The following ACSS1 variants were observed in gnomAD, a reference collection of about 807,000 sequenced individuals.
ACSS1 encodes acyl-CoA synthetase short chain family member 1.
Under a neutral mutation model 75.3 loss-of-function variants are expected in ACSS1, and 42 were observed. That is an observed-to-expected ratio of 0.56 (90% CI 0.44 to 0.72). ACSS1 has a LOEUF of 0.72. Among genes scored for constraint, ACSS1 ranks in the 30% least tolerant of loss-of-function variants. ACSS1 has a pLI of 0.00. For synonymous variants in ACSS1, 380 were observed against 376.8 expected (o/e 1.01, Z -0.10); for missense variants, 782 against 935.7 (o/e 0.84, Z 2.14).
At chr20:25,014,216 G>C in intron 8 of ACSS1, 143 bp from the exon 9 acceptor site, 1 of 688,448 alleles carries the variant, frequency 1.5e-6, no homozygotes, top group Non-Finnish European at 2.5e-6. Context: ...CAAACCAGAT[G>C]TGGGTCTGGT....
intron 5 of ACSS1, among the ~76,000 whole-genome samples, chr20:25,022,692 T>A (rs1286499081): frequency 6.6e-6 from 1 of 152,274 alleles, no homozygotes; most frequent in Non-Finnish European, 1.5e-5. Context: ...TGGCCCTTAG[T>A]GTCCTGCTGC....
chr20:25,035,334 T>C (rs745582809), intron 2 of ACSS1, among the ~76,000 whole-genome samples: 1 of 152,170 alleles, frequency 6.6e-6, no homozygotes, highest in Non-Finnish European at 1.5e-5. Context: ...TGGAAATGTT[T>C]TGTGTTTTTT....
At chr20:25,019,862 G>A in intron 7 of ACSS1, 148 bp downstream of exon 7, 1 of 1,187,660 alleles carries the variant, frequency 8.4e-7, no homozygotes, top group Non-Finnish European at 1.2e-6. Context: ...AGAGGTGCTG[G>A]TGCTTTCTAC....
intron 1 of ACSS1, among the ~76,000 whole-genome samples, chr20:25,055,845 C>G (rs1302662783): frequency 6.6e-6 from 1 of 152,196 alleles, no homozygotes; most frequent in Admixed American, 6.5e-5. Flanking sequence ...CCACGACTTT[C>G]TAGATGCTCC....
chr20:25,053,980 G>A (rs1397814460), intron 1 of ACSS1, among the ~76,000 whole-genome samples: 1 of 152,224 alleles, frequency 6.6e-6, no homozygotes, highest in African/African-American at 2.4e-5. Flanking sequence ...AAGAGCTGCA[G>A]AGCCCTACAA....
intron 3 of ACSS1, among the ~76,000 whole-genome samples, chr20:25,024,380 G>A (rs1428330574): frequency 6.6e-6 from 1 of 152,210 alleles, no homozygotes; most frequent in African/African-American, 2.4e-5. Flanking sequence ...TCCACGCTGT[G>A]CCCCAGTGCG....
intron 13 of ACSS1, 111 bp from the exon 14 acceptor site, chr20:25,008,052 GATCCACAGT>G: frequency 2.3e-6 from 3 of 1,327,120 alleles, no homozygotes; most frequent in Non-Finnish European, 3.0e-6. Context: ...CCCTCCCGGG[GATCCACAGT>G]GGATGTCTAA....
intron 2 of ACSS1, chr20:25,032,401 G>T: frequency 7.1e-7 from 1 of 1,405,494 alleles, no homozygotes; most frequent in South Asian, 1.6e-5. Context: ...GGAAGTGGAA[G>T]CGATCCCAAG....
intron 12 of ACSS1, chr20:25,011,812 G>C (rs2088414257): frequency 6.6e-6 from 1 of 152,254 alleles, no homozygotes; most frequent in African/African-American, 2.4e-5. Flanking sequence ...TGACATCTGG[G>C]ACACACTGTG....
intron 3 of ACSS1, among the ~76,000 whole-genome samples, chr20:25,028,312 AAAG>A (rs774835672): frequency 6.6e-6 from 1 of 152,246 alleles, no homozygotes; most frequent in African/African-American, 2.4e-5. Flanking sequence ...AATCTTGAAA[AAAG>A]AAGAACAAAG....
chr20:25,022,275 C>G (rs1375524060), intron 5 of ACSS1, among the ~76,000 whole-genome samples: 2 of 152,224 alleles, frequency 1.3e-5, no homozygotes, highest in East Asian at 1.9e-4. Flanking sequence ...ACAGGAGAGT[C>G]ACTTGAACCC....
intron 2 of ACSS1, 93 bp from the exon 3 acceptor site, chr20:25,031,051 A>G (rs777689684): frequency 7.2e-6 from 9 of 1,255,340 alleles, no homozygotes; most frequent in Middle Eastern, 1.8e-4. Context: ...ATTTTATGTC[A>G]TATACATCCA....
intron 2 of ACSS1, among the ~76,000 whole-genome samples, chr20:25,033,829 A>G (rs553908023): frequency 6.6e-6 from 1 of 152,302 alleles, no homozygotes; most frequent in East Asian, 1.9e-4. Context: ...TGGGAGGAGG[A>G]CTGGGGCAGA....
chr20:25,006,780 A>T lies in ACSS1; in HGVS notation c.*982T>A. On this transcript the variant is annotated 3_prime_UTR_variant, in exon 14 of 14. Coordinates refer to ENST00000323482, the MANE Select transcript of ACSS1 (RefSeq NM_032501.4). The stretch of plus-strand genomic sequence containing the variant: ...TGGATCCAGACCTCCAAGTCTCATC[A>T]TTGGACCTCAGTGGTTCTCACCGCC... 2 of 1,499,656 alleles carry T rather than the reference A, an allele frequency of 1.3e-6. No individual in the cohort carries two copies. The highest frequency in any genetic ancestry group is 1.8e-6 in the Non-Finnish European group (2 of 1,115,552). The allele number at this position is 1,499,656 out of a possible 1,614,324, so 92.9% of individuals were successfully genotyped here. A position where few individuals can be genotyped will look rare whatever the true frequency, so the allele number is the denominator to read the frequency against.
At chr20:25,022,798 GA>G (rs1164013014) in intron 5 of ACSS1, 141 bp downstream of exon 5, 6 of 1,211,512 alleles carry the variant, frequency 5.0e-6, no homozygotes, top group Non-Finnish European at 5.5e-6. Context: ...GGGAGGACTC[GA>G]GGGGGCCCTG....
intron 2 of ACSS1, chr20:25,047,006 G>A (rs1369989673): frequency 2.4e-5 from 18 of 746,092 alleles, no homozygotes; most frequent in South Asian, 1.0e-4. Context: ...GGGGAGGAAC[G>A]AGCAGGACAG....
At position 25,013,999 on chromosome 20, in the gene ACSS1, G is replaced by C. The variant is rs766469777; in HGVS notation, c.1414C>G (p.Pro472Ala). The C allele has an allele frequency of 1.9e-6, 3 of 1,613,814 alleles. No homozygotes were observed. In the African/African-American group the frequency reaches 4.0e-5, roughly 22 times the overall value. Residue 472 changes from proline to alanine, a missense_variant, in exon 9 of 14, where the codon CCC (proline) becomes GCC (alanine). Around this residue, in one of 2 missense-constraint regions of ACSS1, gnomAD observed 405 missense variants for 552.6 expected, o/e 0.73. Coordinates refer to ENST00000323482, the MANE Select transcript of ACSS1 (RefSeq NM_032501.4). Reference protein sequence around the residue: ...AEILPAMAMRPFFGIVPVLMD... With the variant: ...AEILPAMAMRAFFGIVPVLMD... ...AGGACGGGGACGATGCCAAAGAAGG[G>C]CCTCATCGCCATGGCAGGGAGGATT... is the stretch of plus-strand genomic sequence containing the variant.
At position 25,023,535 on chromosome 20, in the gene ACSS1, C is replaced by T; in HGVS notation, c.738G>A (p.Gln246=). The change falls in exon 4 of 14, where the codon CAG becomes CAA. Residue 246 remains glutamine (Q), a synonymous_variant. Transcript: ENST00000323482. The part of the protein sequence containing the change: ...DEAVKHCPTV[Q]HVLVAHRTDN... ...CTGTCCTGTGAGCCACCAGGACATGCTGCACGGTGGGGCAGTGCTTCACAG... is the reference window on the plus strand; with the variant it reads ...CTGTCCTGTGAGCCACCAGGACATGTTGCACGGTGGGGCAGTGCTTCACAG... 2 of 1,614,186 alleles carry T rather than the reference C, an allele frequency of 1.2e-6. No homozygotes were observed. Among genetic ancestry groups the T allele is most frequent in the South Asian group, 2.2e-5 (2 of 91,086 alleles).
chr20:25,049,200 A>C (rs895501540), intron 1 of ACSS1, among the ~76,000 whole-genome samples: 13 of 152,230 alleles, frequency 8.5e-5, no homozygotes, highest in African/African-American at 2.7e-4. Context: ...AGACATGCCC[A>C]AAAAATAGAA....
Sources: gnomAD v4.1 joint callset for allele counts (sites outside exome capture counted in the v4.1 genomes callset) on GRCh38, gnomAD v4.1.1 for gene constraint, gnomAD v4.1.1 regional missense constraint, MANE v1.5 for transcripts, NCBI Gene and HGNC (gene_info 2026-07-23, HGNC 2026-07-21) for gene names.